SMAD4: variants seen among roughly 807,000 people sequenced by gnomAD.
The protein encoded by SMAD4 is SMAD family member 4.
SMAD4 carries 7 observed loss-of-function variants against 63.2 expected under a neutral mutation model. The observed-to-expected ratio is 0.11, with a 90% confidence interval of 0.06 to 0.21. SMAD4 has a LOEUF of 0.21. Among genes scored for constraint, SMAD4 ranks in the 10% least tolerant of loss-of-function variants. The pLI is 1.00. For synonymous variants in SMAD4, 215 were observed against 235.4 expected (o/e 0.91, Z 0.79); for missense variants, 312 against 693.8 (o/e 0.45, Z 6.18).
At chr18:51,051,504 A>G (rs1192121319) in intron 4 of SMAD4, 2 of 424,384 alleles carry the variant, frequency 4.7e-6, no homozygotes, top group Non-Finnish European at 9.3e-6. Flanking sequence ...TTTACCTTTC[A>G]TGAAACTTTC....
At chr18:51,058,008 T>A in intron 5 of SMAD4, 117 bp from the exon 6 acceptor site, 1 of 1,236,186 alleles carries the variant, frequency 8.1e-7, no homozygotes, top group Non-Finnish European at 1.2e-6. Flanking sequence ...TGAGTTACAC[T>A]TTTTGCCCAT....
intron 10 of SMAD4, among the ~76,000 whole-genome samples, chr18:51,076,241 A>G (rs1276820408): frequency 6.6e-6 from 1 of 152,224 alleles, no homozygotes; most frequent in East Asian, 1.9e-4. Flanking sequence ...TGATAAGACA[A>G]AAAGTTGGCC....
intron 8 of SMAD4, among the ~76,000 whole-genome samples, chr18:51,064,286 T>A (rs531123204): frequency 2.0e-5 from 3 of 152,348 alleles, no homozygotes; most frequent in Admixed American, 2.0e-4. Flanking sequence ...TAAAAGGTTA[T>A]TCAGGTCCCA....
chr18:51,047,319 A>T (rs77389132), intron 2 of SMAD4, 24 bp downstream of exon 2: 2 of 1,607,354 alleles, frequency 1.2e-6, no homozygotes, highest in African/African-American at 2.7e-5. Context: ...GAGTTTTTCT[A>T]TACCCTCTAT....
intron 10 of SMAD4, among the ~76,000 whole-genome samples, chr18:51,073,660 A>G (rs986367011): frequency 9.9e-5 from 15 of 151,608 alleles, no homozygotes; most frequent in African/African-American, 3.6e-4. Flanking sequence ...CCTCCCAAGT[A>G]TCTGGGATCA....
intron 8 of SMAD4, among the ~76,000 whole-genome samples, chr18:51,061,429 A>G (rs1402573618): frequency 1.3e-5 from 2 of 152,118 alleles, no homozygotes; most frequent in African/African-American, 4.8e-5. Context: ...TGATTTTTAG[A>G]TCCCACAGAT....
chr18:51,051,178 C>T (rs1230741495), intron 4 of SMAD4: 2 of 294,834 alleles, frequency 6.8e-6, no homozygotes, highest in African/African-American at 4.4e-5. Context: ...TGAGGGGGTT[C>T]AAATTCTGAG....
chr18:51,067,206 T>C lies in SMAD4; in HGVS notation c.1308+19T>C. On this transcript the variant is annotated intron_variant, in intron 10 of 11. Transcript: ENST00000342988. Reference sequence around the variant, plus strand: ...TATAAAGGTTAGTTACAATTTTATTTGAATATTTTAGACTTAAAGCTCTAT... The same window carrying C: ...TATAAAGGTTAGTTACAATTTTATTCGAATATTTTAGACTTAAAGCTCTAT... The C allele has an allele frequency of 7.0e-7, 1 of 1,435,526 alleles. No individual in the cohort carries two copies. Among genetic ancestry groups the C allele is most frequent in the Admixed American group, 1.7e-5 (1 of 59,734 alleles). The allele number at this position is 1,435,526 out of a possible 1,614,324, so 88.9% of individuals were successfully genotyped here. A position where few individuals can be genotyped will look rare whatever the true frequency, so the allele number is the denominator to read the frequency against.
chr18:51,071,296 A>G (rs942933187), intron 10 of SMAD4, among the ~76,000 whole-genome samples: 7 of 152,136 alleles, frequency 4.6e-5, no homozygotes, highest in Non-Finnish European at 2.9e-5. Flanking sequence ...ACACACACAC[A>G]CATTCCCCTT....
chr18:51,078,592 G>A lies in SMAD4; in HGVS notation c.*125G>A. On this transcript the variant is annotated 3_prime_UTR_variant, in exon 12 of 12. Coordinates refer to ENST00000342988, the MANE Select transcript of SMAD4 (RefSeq NM_005359.6). Reference sequence around the variant, plus strand: ...TATCTTTTCATAAAGGGTTGAAAATGTGTTTGCTGCCTTGCTCCTAGCAGA... The same window carrying A: ...TATCTTTTCATAAAGGGTTGAAAATATGTTTGCTGCCTTGCTCCTAGCAGA... 1.3e-6 allele frequency: 1 copy of A among 759,338 alleles called. No homozygotes were observed. Among genetic ancestry groups the A allele is most frequent in the Non-Finnish European group, 2.1e-6 (1 of 473,988 alleles). 47.0% of individuals were successfully genotyped at this position (759,338 alleles called of 1,614,324 possible).
intron 1 of SMAD4, among the ~76,000 whole-genome samples, chr18:51,036,697 A>G (rs182158910): frequency 5.5e-4 from 84 of 152,324 alleles, no homozygotes; most frequent in African/African-American, 1.7e-3. Flanking sequence ...GACTAGATCA[A>G]TGCTTTGTAA....
chr18:51,075,607 A>AT (rs1008530993), intron 10 of SMAD4, among the ~76,000 whole-genome samples: 46 of 151,606 alleles, frequency 3.0e-4, no homozygotes, highest in African/African-American at 8.2e-4. Flanking sequence ...TTTTAGGAAG[A>AT]TTTTTTTTTC....
intron 9 of SMAD4, chr18:51,066,769 T>A: frequency 2.3e-6 from 1 of 435,500 alleles, no homozygotes; most frequent in Non-Finnish European, 4.2e-6. Context: ...ACTTGTTGAG[T>A]TGTAAGGGTT....
intron 1 of SMAD4, among the ~76,000 whole-genome samples, chr18:51,042,470 C>A (rs982809423): frequency 6.6e-6 from 1 of 152,066 alleles, no homozygotes; most frequent in Non-Finnish European, 1.5e-5. Context: ...CTCCCAGGCT[C>A]AAGCCGTCCT....
At chr18:51,057,181 T>A (rs968017469) in intron 5 of SMAD4, among the ~76,000 whole-genome samples, 1 of 152,224 alleles carries the variant, frequency 6.6e-6, no homozygotes, top group Non-Finnish European at 1.5e-5. Context: ...GGTGACATGT[T>A]ACTCTCTTCC....
Position 51,040,508 on chromosome 18 carries a change from C to T in SMAD4, c.-127-6412C>T, listed in dbSNP as rs111741874. On this transcript the variant is annotated intron_variant, in intron 1 of 11. Coordinates refer to ENST00000342988, the MANE Select transcript of SMAD4 (RefSeq NM_005359.6). ...TCACTGATCAAAACACTTACAACTT[C>T]TAGAAAATACATGTTTGACACATAT... Among the ~76,000 whole-genome samples, 427 of 152,204 alleles carry T rather than the reference C, an allele frequency of 2.8e-3. 3 individuals carry two copies. The highest frequency in any genetic ancestry group is 7.0e-3 in the African/African-American group (290 of 41,516).
rs34008927 is a variant in SMAD4, at chr18:51,033,186, A to ATTT, written c.-128+2582_-128+2584dup. Among the ~76,000 whole-genome samples, 225 of 117,294 alleles carry ATTT rather than the reference A, an allele frequency of 1.9e-3. 6 individuals carry two copies. The highest frequency in any genetic ancestry group is 5.0e-3 in the African/African-American group (156 of 31,082). 76.9% of individuals were successfully genotyped at this position (117,294 alleles called of 152,430 possible). A position where few individuals can be genotyped will look rare whatever the true frequency, so the allele number is the denominator to read the frequency against. On this transcript the variant is annotated intron_variant, in intron 1 of 11. Transcript: ENST00000342988. Reference sequence around the variant, plus strand: ...AGGACTTACACCAGCATAACACAGCATTTTTTTTTTTTTTTTTTTTTGAGA... The same window carrying ATTT: ...AGGACTTACACCAGCATAACACAGCATTTTTTTTTTTTTTTTTTTTTTTTGAGA...
chr18:51,039,255 C>T (rs894864466), intron 1 of SMAD4, among the ~76,000 whole-genome samples: 3 of 152,120 alleles, frequency 2.0e-5, no homozygotes, highest in Admixed American at 6.6e-5. Context: ...TTTCTAAGGA[C>T]GTTAGTCATT....
chr18:51,048,121 CAT>C (rs1455360557), intron 2 of SMAD4, among the ~76,000 whole-genome samples: 1 of 152,190 alleles, frequency 6.6e-6, no homozygotes, highest in African/African-American at 2.4e-5. Context: ...AGACTTTACA[CAT>C]AGTTTCTGCA....
Sources: allele counts gnomAD v4.1 joint callset (sites outside exome capture counted in the v4.1 genomes callset), GRCh38; gene constraint gnomAD v4.1.1; transcripts MANE v1.5; gene names NCBI Gene and HGNC (gene_info 2026-07-23, HGNC 2026-07-21).